Variants in ATP4A observed in about 807,000 individuals in gnomAD.
ATP4A encodes potassium-transporting ATPase alpha chain 1.
In ATP4A, 73 loss-of-function variants were observed where a neutral mutation model predicts 112.1. That is an observed-to-expected ratio of 0.65 (90% confidence interval 0.54 to 0.79). ATP4A has a LOEUF of 0.79. Ranked by LOEUF, ATP4A falls within the 30% of genes least tolerant of loss-of-function variation. The pLI, the probability that ATP4A is intolerant of heterozygous loss-of-function variation, is 0.00. For missense variants in ATP4A, 1,081 were observed against 1,425.9 expected, an observed-to-expected ratio of 0.76 and a Z score of 3.90; for synonymous variants, 588 against 588.9, an observed-to-expected ratio of 1.00 and a Z score of 0.02.
Position 35,555,506 on chromosome 19 carries a change from G to C in ATP4A, c.2091C>G (p.Pro697=). 2.5e-6 allele frequency: 4 copies of C among 1,608,020 alleles called. No homozygotes were observed. Among genetic ancestry groups the C allele is most frequent in the Non-Finnish European group, 3.4e-6 (4 of 1,176,272 alleles). ...SELVEALRTH[P]EMVFARTSPQ... is the part of the protein sequence containing the mutation. Reference sequence around the variant, plus strand: ...GGCTGGTGCGCGCAAACACCATCTCGGGGTGGGTGCGCAGGGCCTCGACCA... The same window carrying C: ...GGCTGGTGCGCGCAAACACCATCTCCGGGTGGGTGCGCAGGGCCTCGACCA... The change falls in exon 14 of 22, where the codon CCC becomes CCG. Residue 697 remains proline, a synonymous_variant. Transcript: ENST00000262623. This position sits in a 1 kb window ranked among gnomAD's most constrained non-coding sequence, Gnocchi z 6.6.
At position 35,563,427 on chromosome 19, in the gene ATP4A, T is replaced by C; in HGVS notation, c.113A>G (p.Lys38Arg). The part of the protein sequence containing the change: ...KKKKAGGGGG[K>R]RKEKLENMKK... ...CATGTTCTCCAGCTTCTCCTTCCTC[T>C]TGCCACCCCCGCCACCCGCCTTCTT... is the stretch of plus-strand genomic sequence containing the variant. The change falls in exon 2 of 22, where the codon AAG becomes AGG. Residue 38 changes from lysine (K) to arginine (R), a missense_variant. Physicochemically the swap from Lys to Arg is conservative, Grantham distance 26. Transcript: ENST00000262623. The C allele has an allele frequency of 1.3e-6, 2 of 1,598,554 alleles. No homozygotes were observed. The highest frequency in any genetic ancestry group is 1.7e-6 in the Non-Finnish European group (2 of 1,169,886).
At chr19:35,552,894 C>T (rs1463210142) in intron 18 of ATP4A, 143 bp downstream of exon 18, 1 of 1,089,662 alleles carries the variant, frequency 9.2e-7, no homozygotes, top group Non-Finnish European at 1.3e-6. Context: ...GCCCTTGCCC[C>T]CCCGAACTGG....
In ATP4A at chr19:35,558,229, G is replaced by C; in HGVS notation, c.1500+133C>G. The C allele has an allele frequency of 8.3e-7, 1 of 1,209,822 alleles. No individual in the cohort carries two copies. The highest frequency in any genetic ancestry group is 1.1e-6 in the Non-Finnish European group (1 of 888,610). 74.9% of individuals were successfully genotyped at this position (1,209,822 alleles called of 1,614,324 possible). On this transcript the variant is annotated intron_variant, in intron 10 of 21. Transcript: ENST00000262623. The surrounding 1 kb of genome is among the most constrained non-coding windows in gnomAD (Gnocchi z 5.1). ...GTGGACGGGGCCATAGGCGGAGCGG[G>C]AGATGGGGTGGGGTTTGGCTGCGGA...
chr19:35,563,432 AC>A lies in ATP4A; in HGVS notation c.107del (p.Gly36ValfsTer11). 1.9e-6 allele frequency: 3 copies of A among 1,569,992 alleles called. No homozygotes were observed. Among genetic ancestry groups the A allele is most frequent in the Non-Finnish European group, 2.6e-6 (3 of 1,159,902 alleles). On this transcript the variant is annotated frameshift_variant, in exon 2 of 22. Coordinates refer to ENST00000262623, the MANE Select transcript of ATP4A (RefSeq NM_000704.3). LOFTEE classifies it high-confidence loss of function. ...MSKKKKAGGG[G>X]GKRKEKLENM... ...TCTCCAGCTTCTCCTTCCTCTTGCC[AC>A]CCCCGCCACCCGCCTTCTTCTTCTT...
chr19:35,555,094 C>G lies in ATP4A; in HGVS notation c.2327-18G>C. The G allele has an allele frequency of 6.2e-7, 1 of 1,612,706 alleles. No individual in the cohort carries two copies. Among genetic ancestry groups the G allele is most frequent in the Non-Finnish European group, 8.5e-7 (1 of 1,179,114 alleles). On this transcript the variant is annotated intron_variant, in intron 15 of 21. Transcript: ENST00000262623. The surrounding 1 kb of genome is among the most constrained non-coding windows in gnomAD (Gnocchi z 6.6). ...CAGTCGACCTGTGGGGTAGGGTGGGCACCTCAGCCTCCTCACAGCCCTCTC... is the reference window on the plus strand; with the variant it reads ...CAGTCGACCTGTGGGGTAGGGTGGGGACCTCAGCCTCCTCACAGCCCTCTC...
Position 35,551,657 on chromosome 19 carries a change from A to G in ATP4A, c.2752-77T>C. ...GGAGAGCCTCTGCAGCCCACCGGGC[A>G]TAGGGTCCCAGGGCCGTGAACCCCT... On this transcript the variant is annotated intron_variant, in intron 18 of 21. Transcript: ENST00000262623. The surrounding 1 kb of genome is among the most constrained non-coding windows in gnomAD (Gnocchi z 5.2). 1 of 1,549,176 alleles carries G rather than the reference A, an allele frequency of 6.5e-7. No individual in the cohort carries two copies. The highest frequency in any genetic ancestry group is 8.7e-7 in the Non-Finnish European group (1 of 1,143,700).
chr19:35,556,928 G>C lies in ATP4A; in HGVS notation c.1854C>G (p.Arg618=), dbSNP rs1398126758. Residue 618 remains arginine (R), a synonymous_variant, in exon 12 of 22, where the codon CGC becomes CGG. Transcript: ENST00000262623. ...AGTGGCATACCCGGATGCCTGCGGTGCGACACTTGAGCACAGCATCAGGGA... is the reference window on the plus strand; with the variant it reads ...AGTGGCATACCCGGATGCCTGCGGTCCGACACTTGAGCACAGCATCAGGGA... The part of the protein sequence containing the change: ...ATVPDAVLKC[R]TAGIRVIMVT... 6 of 1,614,040 alleles carry C rather than the reference G, an allele frequency of 3.7e-6. No homozygotes were observed.
At position 35,558,330 on chromosome 19, in the gene ATP4A, G is replaced by A. The variant is rs1279312625; in HGVS notation, c.1500+32C>T. ...CCTGGGGCGGGGCCCGAGGTGGGCG[G>A]GCCCAGGCCGTGGGCGGGGCCGGCT... On this transcript the variant is annotated intron_variant, in intron 10 of 21. Transcript: ENST00000262623. This position sits in a 1 kb window ranked among gnomAD's most constrained non-coding sequence, Gnocchi z 5.1. The A allele has an allele frequency of 6.3e-7, 1 of 1,591,444 alleles. No homozygotes were observed. The highest frequency in any genetic ancestry group is 2.3e-5 in the East Asian group (1 of 44,064).
intron 4 of ATP4A, 39 bp downstream of exon 4, chr19:35,562,396 G>C: frequency 2.5e-6 from 4 of 1,592,440 alleles, no homozygotes; most frequent in Non-Finnish European, 3.4e-6. Context: ...CCATCCCCAG[G>C]TCCCCATGTC....
rs1313372827 is a variant in ATP4A, at chr19:35,558,518, AG to A, written c.1366-23del. 6.3e-7 allele frequency: 1 copy of A among 1,589,988 alleles called. No individual in the cohort carries two copies. Among genetic ancestry groups the A allele is most frequent in the African/African-American group, 1.3e-5 (1 of 74,712 alleles). On this transcript the variant is annotated intron_variant, in intron 9 of 21. Transcript: ENST00000262623. The surrounding 1 kb of genome is among the most constrained non-coding windows in gnomAD (Gnocchi z 5.1). ...TGCGCTGGGAGCGGGGACCGGTGTC[AG>A]GGGCGAAGCCGGCTACACCAGCCTC...
At chr19:35,561,602 T>C (rs2071671180) in intron 4 of ATP4A, among the ~76,000 whole-genome samples, 1 of 152,096 alleles carries the variant, frequency 6.6e-6, no homozygotes, top group African/African-American at 2.4e-5. Flanking sequence ...ATGTCACATG[T>C]CCCTGAGTCC....
intron 3 of ATP4A, 116 bp downstream of exon 3, chr19:35,563,093 T>G: frequency 1.2e-6 from 1 of 866,472 alleles, no homozygotes. Flanking sequence ...TATTTCTCCA[T>G]ATCTTCCTCT....
chr19:35,553,212 C>G, intron 17 of ATP4A, 30 bp from the exon 18 acceptor site: 2 of 1,573,394 alleles, frequency 1.3e-6, no homozygotes, highest in Non-Finnish European at 1.7e-6. Context: ...CACAGGGAGA[C>G]AGAGATGGAC....
Position 35,559,141 on chromosome 19 carries a change from G to T in ATP4A, c.1107C>A (p.Val369=). ...ATGTCTCCACCGCCTCCAGGTTCTT[G>T]ACCACGCAGTTCTTACTGGCCAGGC... is the stretch of plus-strand genomic sequence containing the variant. The part of the protein sequence containing the change: ...AKRLASKNCV[V]KNLEAVETLG... The change falls in exon 8 of 22, where the codon GTC becomes GTA. Residue 369 remains valine (V), a synonymous_variant. Coordinates refer to ENST00000262623, the MANE Select transcript of ATP4A (RefSeq NM_000704.3). The surrounding 1 kb of genome is among the most constrained non-coding windows in gnomAD (Gnocchi z 4.1). The T allele has an allele frequency of 1.9e-6, 3 of 1,614,144 alleles. No homozygotes were observed. The highest frequency in any genetic ancestry group is 1.7e-6 in the Non-Finnish European group (2 of 1,180,034).
chr19:35,552,485 C>G (rs939310014), intron 18 of ATP4A, among the ~76,000 whole-genome samples: 4 of 152,186 alleles, frequency 2.6e-5, no homozygotes, highest in Admixed American at 1.3e-4. Flanking sequence ...ATATTCTCTC[C>G]ACTTTGCAGG....
Position 35,550,631 on chromosome 19 carries a change from T to A in ATP4A, c.3092A>T (p.Gln1031Leu). ...GTCGTCCCTCTAATAGTAGAGTTCCTGGTCCCACCAGCCTGGGAGAGAGAG... is the reference window on the plus strand; with the variant it reads ...GTCGTCCCTCTAATAGTAGAGTTCCAGGTCCCACCAGCCTGGGAGAGAGAG... ...VRCCPGSWWD[Q>L]ELYY is the part of the protein sequence containing the mutation. The change falls in exon 22 of 22, where the codon CAG becomes CTG. Residue 1031 changes from glutamine (Q) to leucine (L), a missense_variant. Physicochemically the swap from Gln to Leu is moderately radical, Grantham distance 113. Around this residue, in one of 3 missense-constraint regions of ATP4A, gnomAD observed 219 missense variants for 320.9 expected, o/e 0.68. Transcript: ENST00000262623. The surrounding 1 kb of genome is among the most constrained non-coding windows in gnomAD (Gnocchi z 4.1). 6.2e-7 allele frequency: 1 copy of A among 1,613,818 alleles called. No homozygotes were observed. The highest frequency in any genetic ancestry group is 8.5e-7 in the Non-Finnish European group (1 of 1,179,834).
At position 35,560,950 on chromosome 19, in the gene ATP4A, G is replaced by A. The variant is rs951826181; in HGVS notation, c.421-18C>T. ...AGGTACAGCTGGGGACAGGGAAGGG[G>A]TGGGGTTATTCAGAGGGGCCGGAAG... On this transcript the variant is annotated intron_variant, in intron 4 of 21. Transcript: ENST00000262623. This position sits in a 1 kb window ranked among gnomAD's most constrained non-coding sequence, Gnocchi z 5.1. 2.5e-6 allele frequency: 4 copies of A among 1,610,650 alleles called. No individual in the cohort carries two copies. The African/African-American group carries it at 5.4e-5, about 22-fold the overall frequency.
rs2071639684 is a variant in ATP4A at position 35,557,753 on chromosome 19, A to G, written c.1595T>C (p.Ile532Thr). The G allele has an allele frequency of 5.0e-6, 8 of 1,601,450 alleles. No homozygotes were observed. The East Asian group carries it at 1.8e-4, about 36-fold the overall frequency. The change falls in exon 11 of 22, where the codon ATC (isoleucine) becomes ACC (threonine). Residue 532 changes from isoleucine (I) to threonine (T), a missense_variant. Physicochemically the swap from Ile to Thr is moderately conservative, Grantham distance 89. Coordinates refer to ENST00000262623, the MANE Select transcript of ATP4A (RefSeq NM_000704.3). This position sits in a 1 kb window ranked among gnomAD's most constrained non-coding sequence, Gnocchi z 4.4. ...CGGCAGCTCCTGGCCCTTGATAAGG[A>G]TGGAGCTGCAGCGCTCCAGCACGCG... ...PERVLERCSSILIKGQELPLD... is the reference protein window; with the variant it reads ...PERVLERCSSTLIKGQELPLD...
rs771279553 is a variant in ATP4A at position 35,559,238 on chromosome 19, C to T, written c.1057-47G>A. 1.3e-5 allele frequency: 21 copies of T among 1,592,998 alleles called. No individual in the cohort carries two copies. Among genetic ancestry groups the T allele is most frequent in the Non-Finnish European group, 1.7e-5 (20 of 1,164,736 alleles). On this transcript the variant is annotated intron_variant, in intron 7 of 21. Transcript: ENST00000262623. This position sits in a 1 kb window ranked among gnomAD's most constrained non-coding sequence, Gnocchi z 4.1. ...CAGGCTGGGGACCCACCCTGGCTTC[C>T]AGTCCTCTTCCCCGCGTCAAAGAAC...
Sources: gnomAD v4.1 joint callset for allele counts (sites outside exome capture counted in the v4.1 genomes callset) on GRCh38, gnomAD v4.1.1 for gene constraint, gnomAD v4.1.1 regional missense constraint, Gnocchi (gnomAD v3.1) non-coding constraint, MANE v1.5 for transcripts, NCBI Gene and HGNC (gene_info 2026-07-23, HGNC 2026-07-21) for gene names.